Variants in RSF1 observed in about 807,000 individuals in gnomAD.
RSF1 encodes remodeling and spacing factor 1, also known as HBV pX-associated protein 8.
A neutral mutation model predicts 145.2 loss-of-function variants in RSF1; 13 were observed. The observed-to-expected ratio is 0.09, with a 90% confidence interval of 0.06 to 0.14. RSF1 has a LOEUF of 0.14. Ranked by LOEUF, RSF1 falls within the 10% of genes least tolerant of loss-of-function variation. The pLI is 1.00. For synonymous variants in RSF1, 577 were observed against 592.6 expected (o/e 0.97, Z 0.38); for missense variants, 1,517 against 1,718.2 (o/e 0.88, Z 2.07).
Position 77,747,086 on chromosome 11 carries a change from T to G in RSF1, c.322A>C (p.Lys108Gln). The G allele has an allele frequency of 6.2e-7, 1 of 1,612,058 alleles. No homozygotes were observed. Among genetic ancestry groups the G allele is most frequent in the South Asian group, 1.1e-5 (1 of 91,006 alleles). ...ACACTCATTTCAAGATAGCCCTTCTTCTCCATCTCCCATGCCCAGGTACTG... is the reference window on the plus strand; with the variant it reads ...ACACTCATTTCAAGATAGCCCTTCTGCTCCATCTCCCATGCCCAGGTACTG... The part of the protein sequence containing the change: ...FNSTWAWEME[K>Q]KGYLEMSVEC... Residue 108 changes from lysine to glutamine, a missense_variant, in exon 3 of 16, where the codon AAG (lysine) becomes CAG (glutamine). Physicochemically the swap from Lys to Gln is moderately conservative, Grantham distance 53 (BLOSUM62 1). Transcript: ENST00000308488.
At chr11:77,705,370 A>G (rs1011220263) in intron 5 of RSF1, among the ~76,000 whole-genome samples, 3 of 152,262 alleles carry the variant, frequency 2.0e-5, no homozygotes, top group Non-Finnish European at 2.9e-5. Flanking sequence ...AGTGGTAGCT[A>G]CTGTGGGTTT....
At chr11:77,787,833 T>TAAAAAAAAAAAAAAAA (rs57568918) in intron 1 of RSF1, among the ~76,000 whole-genome samples, 2 of 129,474 alleles carry the variant, frequency 1.5e-5, no homozygotes, top group African/African-American at 3.0e-5. Flanking sequence ...TTCAGAACAG[T>TAAAAAAAAAAAAAAAA]AAAAAAAAAA....
At chr11:77,764,550 A>G (rs369828500) in intron 2 of RSF1, 48 bp downstream of exon 2, 3 of 996,208 alleles carry the variant, frequency 3.0e-6, no homozygotes, top group African/African-American at 3.2e-5. Flanking sequence ...AATTTATGCT[A>G]GAGTAATATT....
At chr11:77,801,782 C>T (rs189196455) in intron 1 of RSF1, among the ~76,000 whole-genome samples, 2 of 152,028 alleles carry the variant, frequency 1.3e-5, no homozygotes, top group African/African-American at 4.8e-5. Flanking sequence ...GAACTTTCAG[C>T]CCCATCCACT....
At chr11:77,724,064 TAAAC>T (rs1367588757) in intron 5 of RSF1, among the ~76,000 whole-genome samples, 1 of 151,778 alleles carries the variant, frequency 6.6e-6, no homozygotes, top group Non-Finnish European at 1.5e-5. Flanking sequence ...AACAAAAAAA[TAAAC>T]AACCCAAAGA....
chr11:77,872,223 C>T, the RSF1 span: 70 of 1,613,680 alleles, frequency 4.3e-5, no homozygotes, highest in East Asian at 4.2e-4. Flanking sequence ...CATTGATGTG[C>T]GGGTCCTCCA....
chr11:77,760,259 G>A (rs907691961), intron 2 of RSF1, among the ~76,000 whole-genome samples: 9 of 152,180 alleles, frequency 5.9e-5, no homozygotes, highest in African/African-American at 2.2e-4. Flanking sequence ...AAAAAGGAAT[G>A]AGATGATACA....
chr11:77,872,156 C>G, the RSF1 span: 8 of 1,607,760 alleles, frequency 5.0e-6, no homozygotes, highest in Non-Finnish European at 6.8e-6. Context: ...ACTTACTCAT[C>G]TCTTTTCCAC....
intron 1 of RSF1, among the ~76,000 whole-genome samples, chr11:77,785,925 CAAAAAAAAAAAAA>C (rs10661397): frequency 1.5e-3 from 55 of 37,140 alleles, no homozygotes; most frequent in East Asian, 1.1e-3. Context: ...GATTCTGTCT[CAAAAAAAAAAAAA>C]AAAAAAAAAA....
chr11:77,702,005 A>G lies in RSF1; in HGVS notation c.1224T>C (p.Thr408=). The G allele has an allele frequency of 6.2e-7, 1 of 1,613,976 alleles. No homozygotes were observed. Residue 408 remains threonine (T), a synonymous_variant, in exon 6 of 16, where the codon ACT becomes ACC. Coordinates refer to ENST00000308488, the MANE Select transcript of RSF1 (RefSeq NM_016578.4). ...PVKGPLCKSV[T]PTKEFLKDEI... ...CATCTTTCAAAAACTCTTTTGTTGG[A>G]GTAACTGATTTACACAAAGGTCCCT...
chr11:77,694,228 GT>G (rs1319044896), intron 7 of RSF1, among the ~76,000 whole-genome samples: 1 of 152,108 alleles, frequency 6.6e-6, no homozygotes, highest in Non-Finnish European at 1.5e-5. Flanking sequence ...TTATAACAAA[GT>G]TTTAAAGCTC....
intron 1 of RSF1, among the ~76,000 whole-genome samples, chr11:77,768,023 A>G (rs899379612): frequency 6.6e-6 from 1 of 152,228 alleles, no homozygotes; most frequent in Non-Finnish European, 1.5e-5. Context: ...AGCACTGTGC[A>G]ATAGAAATGT....
chr11:77,724,756 G>A (rs1287300030), intron 5 of RSF1, among the ~76,000 whole-genome samples: 1 of 152,064 alleles, frequency 6.6e-6, no homozygotes, highest in African/African-American at 2.4e-5. Context: ...GTTCACAATA[G>A]GGTTTGTGCT....
chr11:77,687,466 T>A (rs950690943), intron 9 of RSF1, among the ~76,000 whole-genome samples: 2 of 151,972 alleles, frequency 1.3e-5, no homozygotes, highest in Non-Finnish European at 2.9e-5. Context: ...TTACCCACCT[T>A]GGGTAACCTT....
In RSF1 at chr11:77,737,621, G is replaced by GTGTGTGTGTGTGTGTGTGT. The variant is rs1554991241; in HGVS notation, c.578+3109_578+3110insACACACACACACACACACA. 3.6e-3 allele frequency among the ~76,000 whole-genome samples: 335 copies of GTGTGTGTGTGTGTGTGTGT among 93,522 alleles called. 6 individuals carry two copies. The highest frequency in any genetic ancestry group is 5.1e-3 in the Middle Eastern group (1 of 196). The allele number at this position is 93,522 out of a possible 152,430, so 61.4% of individuals were successfully genotyped here. On this transcript the variant is annotated intron_variant, in intron 4 of 15. Transcript: ENST00000308488. ...GAAAGAAGTTTTATGTGTTTTGGGG[G>GTGTGTGTGTGTGTGTGTGT]GTGTGTGTGTGTGTGTGTGTGTGTG...
At chr11:77,700,626 T>C in intron 6 of RSF1, 95 bp downstream of exon 6, 1 of 817,710 alleles carries the variant, frequency 1.2e-6, no homozygotes. Flanking sequence ...AGATACTTTG[T>C]CAGTTGTCTT....
intron 12 of RSF1, among the ~76,000 whole-genome samples, 173 bp downstream of exon 12, chr11:77,677,913 T>A (rs368972819): frequency 5.6e-4 from 86 of 152,346 alleles, no homozygotes; most frequent in East Asian, 1.9e-3. Flanking sequence ...TCTGAGTCTA[T>A]ACACTGACAT....
the RSF1 span, among the ~76,000 whole-genome samples, chr11:77,848,149 A>G: frequency 6.6e-6 from 1 of 152,182 alleles, no homozygotes; most frequent in African/African-American, 2.4e-5. Context: ...AGTCCAGTTG[A>G]GCTGGCACAT....
the RSF1 span, among the ~76,000 whole-genome samples, chr11:77,840,230 G>A: frequency 6.6e-6 from 1 of 152,108 alleles, no homozygotes; most frequent in African/African-American, 2.4e-5. Context: ...CTACTGTTTA[G>A]TACCTTTTGA....
Sources: gnomAD v4.1 joint callset for allele counts (sites outside exome capture counted in the v4.1 genomes callset) on GRCh38, gnomAD v4.1.1 for gene constraint, MANE v1.5 for transcripts, NCBI Gene and HGNC (gene_info 2026-07-23, HGNC 2026-07-21) for gene names.